SLC12A7: variants seen among roughly 807,000 people sequenced by gnomAD.
SLC12A7 encodes solute carrier family 12 member 7, also known as K-Cl cotransporter 4.
Under a neutral mutation model 120.6 loss-of-function variants are expected in SLC12A7, and 100 were observed. The observed-to-expected ratio is 0.83, with a 90% CI of 0.71 to 0.98. SLC12A7 has a LOEUF of 0.98. Among genes scored for constraint, SLC12A7 ranks in the 50% least tolerant of loss-of-function variants. The pLI is 0.00. For synonymous variants in SLC12A7, 760 were observed against 678.0 expected (o/e 1.12, Z -1.88); for missense variants, 1,373 against 1,548.1 (o/e 0.89, Z 1.90).
the SLC12A7 span, among the ~76,000 whole-genome samples, chr5:1,141,273 A>T: frequency 1.5e-4 from 23 of 152,070 alleles, no homozygotes; most frequent in Non-Finnish European, 2.9e-4. Flanking sequence ...TTGAATTAGG[A>T]TGCACCCCTG....
chr5:1,074,475 G>T, intron 16 of SLC12A7, 92 bp downstream of exon 16: 2 of 1,173,512 alleles, frequency 1.7e-6, no homozygotes, highest in Non-Finnish European at 2.5e-6. Context: ...AAGGTGAGAG[G>T]CCCCTGAGAC....
At chr5:1,136,266 T>G in the SLC12A7 span, among the ~76,000 whole-genome samples, 1 of 130,912 alleles carries the variant, frequency 7.6e-6, no homozygotes, top group African/African-American at 3.4e-5. Flanking sequence ...AAATCACGAC[T>G]CCTCCTGACA....
the SLC12A7 span, among the ~76,000 whole-genome samples, chr5:1,136,367 C>T: frequency 6.7e-6 from 1 of 150,280 alleles, no homozygotes; most frequent in Admixed American, 6.6e-5. Flanking sequence ...CAGACACCAA[C>T]ACCAGGACAC....
chr5:1,061,005 A>T (rs888557244), intron 20 of SLC12A7, among the ~76,000 whole-genome samples: 1 of 149,592 alleles, frequency 6.7e-6, no homozygotes, highest in East Asian at 2.0e-4. Context: ...GCCGTGCAGG[A>T]TCCCTGAGTC....
intron 1 of SLC12A7, among the ~76,000 whole-genome samples, chr5:1,098,130 AAGCC>A (rs1741507041): frequency 2.8e-5 from 1 of 35,846 alleles, no homozygotes; most frequent in Non-Finnish European, 5.3e-5. Context: ...AACCCTCTGC[AAGCC>A]CAGCCCCCAC....
chr5:1,137,759 G>T, the SLC12A7 span, among the ~76,000 whole-genome samples: 1 of 152,214 alleles, frequency 6.6e-6, no homozygotes, highest in Non-Finnish European at 1.5e-5. Context: ...CTCCCTGCTC[G>T]CCCAGGTGCG....
At chr5:1,065,101 G>A (rs1221801576) in intron 18 of SLC12A7, among the ~76,000 whole-genome samples, 182 bp downstream of exon 18, 3 of 145,486 alleles carry the variant, frequency 2.1e-5, no homozygotes, top group Non-Finnish European at 3.0e-5. Context: ...GACACACAGG[G>A]GACAGTGAGG....
At chr5:1,105,170 C>T (rs1246188086) in intron 1 of SLC12A7, among the ~76,000 whole-genome samples, 1 of 147,524 alleles carries the variant, frequency 6.8e-6, no homozygotes, top group Non-Finnish European at 1.5e-5. Context: ...AGGACCCTCC[C>T]CGCAGGGATG....
chr5:1,055,915 G>T (rs1230043111), intron 22 of SLC12A7, among the ~76,000 whole-genome samples: 1 of 152,194 alleles, frequency 6.6e-6, no homozygotes, highest in African/African-American at 2.4e-5. Context: ...AAAAGGGAAG[G>T]GAAGTGTGGC....
chr5:1,144,185 C>T, the SLC12A7 span, among the ~76,000 whole-genome samples: 13 of 152,252 alleles, frequency 8.5e-5, no homozygotes, highest in South Asian at 2.1e-4. Context: ...GGGACCTGGA[C>T]GCACCCGCCA....
At chr5:1,146,305 G>A in the SLC12A7 span, among the ~76,000 whole-genome samples, 1 of 152,094 alleles carries the variant, frequency 6.6e-6, no homozygotes, top group Non-Finnish European at 1.5e-5. This position sits in a 1 kb window ranked among gnomAD's most constrained non-coding sequence, Gnocchi z 6.5. Flanking sequence ...TGGGAGCCCA[G>A]ATGCTGGTGA....
At chr5:1,068,366 G>A (rs1737279257) in intron 17 of SLC12A7, among the ~76,000 whole-genome samples, 1 of 152,230 alleles carries the variant, frequency 6.6e-6, no homozygotes, top group African/African-American at 2.4e-5. Flanking sequence ...CTCGGGAGGT[G>A]GAGGTTGCAG....
chr5:1,069,382 G>C (rs374490312), intron 17 of SLC12A7, among the ~76,000 whole-genome samples: 3 of 152,252 alleles, frequency 2.0e-5, no homozygotes, highest in South Asian at 4.1e-4. Context: ...GGCTGTGGTT[G>C]TGCAGAGAAA....
At position 1,077,844 on chromosome 5, in the gene SLC12A7, G is replaced by GGA. The variant is rs750402139; in HGVS notation, c.1616_1617dup (p.Pro540SerfsTer22). 4.4e-6 allele frequency: 7 copies of GGA among 1,588,170 alleles called. No individual in the cohort carries two copies. The highest frequency in any genetic ancestry group is 6.0e-6 in the Non-Finnish European group (7 of 1,168,192). On this transcript the variant is annotated frameshift_variant, in exon 12 of 24. Coordinates refer to ENST00000264930, the MANE Select transcript of SLC12A7 (RefSeq NM_006598.3). LOFTEE classifies it high-confidence loss of function. ...GGTGCGGGACTCACCTGCAGGAAGG[G>GGA]GACGATGCCGTCACGGGCAATGGCC...
In SLC12A7 at chr5:1,089,142, T is replaced by G. The variant is rs769765835; in HGVS notation, c.343-14A>C. 1.2e-6 allele frequency: 2 copies of G among 1,611,428 alleles called. No individual in the cohort carries two copies. Among genetic ancestry groups the G allele is most frequent in the African/African-American group, 2.7e-5 (2 of 74,926 alleles). On this transcript the variant is annotated splice_polypyrimidine_tract_variant and intron_variant, in intron 3 of 23. Transcript: ENST00000264930. Reference sequence around the variant, plus strand: ...CATGCGCGGAGCCTGCGACAGAGCATAGCGTGTCCCAGGGGCTCGTACCCC... The same window carrying G: ...CATGCGCGGAGCCTGCGACAGAGCAGAGCGTGTCCCAGGGGCTCGTACCCC...
rs376095927 is a variant in SLC12A7, at chr5:1,112,023, C to T, written c.-32G>A. ...CTGCAGCCGACAGTCCCCGTCCCGGCCCGGCCCGCGCTGCGCCGCTCCCGC... is the reference window on the plus strand; with the variant it reads ...CTGCAGCCGACAGTCCCCGTCCCGGTCCGGCCCGCGCTGCGCCGCTCCCGC... On this transcript the variant is annotated 5_prime_UTR_variant, in exon 1 of 24. Transcript: ENST00000264930. 5 of 1,244,760 alleles carry T rather than the reference C, an allele frequency of 4.0e-6. No homozygotes were observed. The highest frequency in any genetic ancestry group is 1.5e-5 in the African/African-American group (1 of 64,532). 77.1% of individuals were successfully genotyped at this position (1,244,760 alleles called of 1,614,324 possible).
upstream of SLC12A7, among the ~76,000 whole-genome samples, chr5:1,117,050 A>G (rs113492188): frequency 0.028 from 4,245 of 152,200 alleles, 213 homozygotes; most frequent in African/African-American, 0.095. This position sits in a 1 kb window ranked among gnomAD's most constrained non-coding sequence, Gnocchi z 4.5. Context: ...CCCCGACCCC[A>G]GCAACACCAT....
At chr5:1,147,662 G>A in the SLC12A7 span, among the ~76,000 whole-genome samples, 2 of 152,150 alleles carry the variant, frequency 1.3e-5, no homozygotes, top group Admixed American at 1.3e-4. Context: ...CCTTCAAGAT[G>A]TCCCTCATTT....
the SLC12A7 span, among the ~76,000 whole-genome samples, chr5:1,142,069 G>C: frequency 6.6e-6 from 1 of 151,974 alleles, no homozygotes; most frequent in South Asian, 2.1e-4. Context: ...AGGCGGGGCA[G>C]GTGGCGTCAG....
Sources: allele counts gnomAD v4.1 joint callset (sites outside exome capture counted in the v4.1 genomes callset), GRCh38; gene constraint gnomAD v4.1.1; non-coding constraint Gnocchi (gnomAD v3.1); transcripts MANE v1.5; gene names NCBI Gene and HGNC (gene_info 2026-07-23, HGNC 2026-07-21).